Variants in PPEF1 observed in about 807,000 individuals in gnomAD.
PPEF1 encodes the protein serine/threonine-protein phosphatase with EF-hands 1.
A neutral mutation model predicts 53.3 loss-of-function variants in PPEF1; 12 were observed. That is an observed-to-expected ratio of 0.23 (90% CI 0.14 to 0.36). The LOEUF is 0.36. Ranked by LOEUF, PPEF1 falls within the 10% of genes least tolerant of loss-of-function variation. The probability of loss-of-function intolerance (pLI) is 1.00; values close to 1 mark genes in which losing one functional copy is unlikely to be tolerated. For missense variants in PPEF1, 334 were observed against 490.4 expected (o/e 0.68, Z 3.01); for synonymous variants, 165 against 176.7 (o/e 0.93, Z 0.52).
At chrX:18,740,938 T>G (rs1019140918) in intron 3 of PPEF1, among the ~76,000 whole-genome samples, 17 of 78,078 alleles carry the variant, frequency 2.2e-4, no homozygotes, top group African/African-American at 7.1e-4. Context: ...TTTTTTTTTT[T>G]GCTCTCATTA....
intron 1 of PPEF1, among the ~76,000 whole-genome samples, chrX:18,721,540 T>C (rs1387044577): frequency 1.8e-5 from 2 of 111,137 alleles, no homozygotes; most frequent in Non-Finnish European, 3.8e-5. Context: ...ATTTGGTAAC[T>C]GGAAAGAATC....
At chrX:18,766,082 A>G (rs958805115) in intron 6 of PPEF1, among the ~76,000 whole-genome samples, 1 of 106,102 alleles carries the variant, frequency 9.4e-6, no homozygotes, top group African/African-American at 3.5e-5. Flanking sequence ...AAAAAAAAAA[A>G]AAGAAAAAAG....
intron 3 of PPEF1, among the ~76,000 whole-genome samples, chrX:18,739,419 G>A (rs1422901638): frequency 8.9e-6 from 1 of 112,279 alleles, no homozygotes; most frequent in Non-Finnish European, 1.9e-5. Context: ...CTGTTTGCCT[G>A]AGTATCACCA....
intron 4 of PPEF1, among the ~76,000 whole-genome samples, chrX:18,755,817 G>T (rs918284404): frequency 1.8e-5 from 2 of 111,204 alleles, no homozygotes; most frequent in Non-Finnish European, 3.8e-5. Flanking sequence ...GTGGCCTTTT[G>T]TGCCTGGCGT....
rs1467866096 is a variant in PPEF1, at chrX:18,757,712, C to G, written c.482C>G (p.Thr161Ser). 1 of 1,207,704 alleles carries G rather than the reference C, an allele frequency of 8.3e-7. No individual in the cohort carries two copies. ...ATGCCGAATTTCACTCACATACAAA[C>G]TTCTCCCTCCAAAGAGGTAACAATC... ...KQMPNFTHIQ[T>S]SPSKEVTICG... The change falls in exon 5 of 16, where the codon ACT (threonine) becomes AGT (serine). Residue 161 changes from threonine (T) to serine (S), a missense_variant. Transcript: ENST00000470157.
intron 3 of PPEF1, among the ~76,000 whole-genome samples, chrX:18,686,950 C>G (rs190241232): frequency 9.0e-6 from 1 of 111,065 alleles, no homozygotes; most frequent in Admixed American, 9.6e-5. Flanking sequence ...TCAAGCTCGT[C>G]CCTCCATCCT....
chrX:18,701,015 T>C (rs1433579898), intron 6 of PPEF1, among the ~76,000 whole-genome samples: 1 of 112,327 alleles, frequency 8.9e-6, no homozygotes, highest in Non-Finnish European at 1.9e-5. Flanking sequence ...TCTTCAGTTC[T>C]GCCACTAATC....
intron 9 of PPEF1, among the ~76,000 whole-genome samples, chrX:18,788,049 G>T (rs866130928): frequency 4.5e-5 from 5 of 111,996 alleles, no homozygotes; most frequent in Middle Eastern, 4.2e-3. Context: ...GGGTGCAGTG[G>T]CTCACGCCTG....
intron 3 of PPEF1, among the ~76,000 whole-genome samples, chrX:18,745,027 A>C (rs935784022): frequency 3.0e-5 from 3 of 99,870 alleles, no homozygotes; most frequent in African/African-American, 1.1e-4. Context: ...AAAAATATAA[A>C]ATATATATTT....
chrX:18,827,233 G>A, intron 15 of PPEF1, 43 bp from the exon 16 acceptor site: 3 of 1,118,866 alleles, frequency 2.7e-6, no homozygotes, highest in Non-Finnish European at 3.7e-6. Flanking sequence ...CCTTAGGTGG[G>A]TCTTAAAATG....
At chrX:18,820,689 A>T (rs1303839005) in intron 13 of PPEF1, among the ~76,000 whole-genome samples, 1 of 110,204 alleles carries the variant, frequency 9.1e-6, no homozygotes, top group African/African-American at 3.3e-5. Context: ...CTGGCCAGCA[A>T]ACTTTTTTCT....
intron 4 of PPEF1, among the ~76,000 whole-genome samples, chrX:18,751,056 T>C (rs2045432306): frequency 8.9e-6 from 1 of 111,973 alleles, no homozygotes; most frequent in Non-Finnish European, 1.9e-5. Flanking sequence ...TTATAAGAGT[T>C]CTTTCTGGAT....
intron 10 of PPEF1, among the ~76,000 whole-genome samples, chrX:18,802,147 C>T (rs1309100051): frequency 9.0e-6 from 1 of 111,048 alleles, no homozygotes; most frequent in African/African-American, 3.3e-5. Flanking sequence ...CTCACTGCAG[C>T]CTCAACCTCC....
intron 9 of PPEF1, among the ~76,000 whole-genome samples, chrX:18,788,851 C>T (rs2046271914): frequency 8.9e-6 from 1 of 112,481 alleles, no homozygotes; most frequent in Admixed American, 9.4e-5. Context: ...ATGTGTTTAA[C>T]ACCTATAGAG....
At chrX:18,691,949 T>A (rs1008400896) in intron 4 of PPEF1, among the ~76,000 whole-genome samples, 5 of 112,145 alleles carry the variant, frequency 4.5e-5, no homozygotes, top group African/African-American at 1.6e-4. Flanking sequence ...CTTTCCAGAT[T>A]GCTTCTTTGT....
chrX:18,802,348 A>C (rs2046564425), intron 10 of PPEF1, among the ~76,000 whole-genome samples: 1 of 111,676 alleles, frequency 9.0e-6, no homozygotes. Flanking sequence ...CTGGGATTAC[A>C]GGCATAAGCC....
At chrX:18,731,336 A>G (rs1359259450) in intron 2 of PPEF1, among the ~76,000 whole-genome samples, 1 of 112,300 alleles carries the variant, frequency 8.9e-6, no homozygotes, top group Non-Finnish European at 1.9e-5. Flanking sequence ...TTTAGCAATC[A>G]TATATCTGTG....
intron 4 of PPEF1, among the ~76,000 whole-genome samples, chrX:18,753,353 A>G (rs1378543004): frequency 9.0e-6 from 1 of 111,211 alleles, no homozygotes; most frequent in African/African-American, 3.3e-5. Context: ...TCCCCACTTT[A>G]GTTTCTGATT....
intron 12 of PPEF1, among the ~76,000 whole-genome samples, chrX:18,809,409 A>T (rs2046757690): frequency 9.1e-6 from 1 of 110,369 alleles, no homozygotes; most frequent in African/African-American, 3.3e-5. Flanking sequence ...CATCTGTTTT[A>T]AAAAAAATAA....
Sources: allele counts gnomAD v4.1 joint callset (sites outside exome capture counted in the v4.1 genomes callset), GRCh38; gene constraint gnomAD v4.1.1; transcripts MANE v1.5; gene names NCBI Gene and HGNC (gene_info 2026-07-23, HGNC 2026-07-21).